Variants in CDH4 observed in about 807,000 individuals in gnomAD.
The protein encoded by CDH4 is cadherin 4.
Under a neutral mutation model 86.0 loss-of-function variants are expected in CDH4, and 33 were observed. That is an observed-to-expected ratio of 0.38 (90% confidence interval 0.29 to 0.51). The LOEUF (loss-of-function observed/expected upper bound fraction) is 0.51, where lower values mean the gene tolerates loss of function less well. Among genes scored for constraint, CDH4 ranks in the 20% least tolerant of loss-of-function variants. The pLI is 0.86. For missense variants in CDH4, 1,114 were observed against 1,307.4 expected, an observed-to-expected ratio of 0.85 and a Z score of 2.28; for synonymous variants, 555 against 549.4, an observed-to-expected ratio of 1.01 and a Z score of -0.14.
At chr20:61,792,083 G>C (rs1260353282) in intron 4 of CDH4, among the ~76,000 whole-genome samples, 1 of 152,124 alleles carries the variant, frequency 6.6e-6, no homozygotes, top group Non-Finnish European at 1.5e-5. Context: ...CAGAGCCCCA[G>C]GGAGGAGAGA....
intron 4 of CDH4, among the ~76,000 whole-genome samples, chr20:61,826,962 AGTGTGTGT>A (rs11470719): frequency 0.035 from 5,138 of 145,904 alleles, 213 homozygotes; most frequent in East Asian, 0.14. Flanking sequence ...AGAAGGGAAA[AGTGTGTGT>A]GTGTGTGTGT....
intron 2 of CDH4, among the ~76,000 whole-genome samples, chr20:61,553,293 G>T (rs1044707342): frequency 1.3e-5 from 2 of 152,192 alleles, no homozygotes; most frequent in Non-Finnish European, 1.5e-5. Flanking sequence ...AGGGGAAAAT[G>T]GACAGAGACA....
chr20:61,710,925 C>CCATGAG (rs2087884763), intron 2 of CDH4, among the ~76,000 whole-genome samples: 1 of 152,176 alleles, frequency 6.6e-6, no homozygotes, highest in South Asian at 2.1e-4. Flanking sequence ...TAACAAATCG[C>CCATGAG]CATGAGCTCA....
intron 2 of CDH4, among the ~76,000 whole-genome samples, chr20:61,397,759 G>A (rs1023560720): frequency 6.6e-6 from 1 of 152,200 alleles, no homozygotes; most frequent in Non-Finnish European, 1.5e-5. Context: ...GGTGCAAGGT[G>A]GACATACATG....
chr20:61,290,978 G>A (rs1309759222), intron 2 of CDH4, among the ~76,000 whole-genome samples: 1 of 152,128 alleles, frequency 6.6e-6, no homozygotes, highest in Non-Finnish European at 1.5e-5. Context: ...GGCTCATTCT[G>A]GGGTTTGGTT....
chr20:61,574,593 T>C (rs1037154045), intron 2 of CDH4, among the ~76,000 whole-genome samples: 2 of 152,102 alleles, frequency 1.3e-5, no homozygotes, highest in Non-Finnish European at 2.9e-5. Context: ...AGTGTAAGTA[T>C]AAAAATATTG....
At chr20:61,913,255 A>G (rs536250846) in intron 9 of CDH4, among the ~76,000 whole-genome samples, 140 of 152,316 alleles carry the variant, frequency 9.2e-4, no homozygotes, top group African/African-American at 3.3e-3. Context: ...AAGGGCCGGT[A>G]CCAAGGAAGA....
At chr20:61,712,257 C>T (rs983800093) in intron 2 of CDH4, among the ~76,000 whole-genome samples, 1 of 152,160 alleles carries the variant, frequency 6.6e-6, no homozygotes, top group African/African-American at 2.4e-5. Context: ...TTGGGGCCTC[C>T]AGGTGGATGG....
At chr20:61,522,270 G>A (rs1272909275) in intron 2 of CDH4, among the ~76,000 whole-genome samples, 1 of 152,118 alleles carries the variant, frequency 6.6e-6, no homozygotes, top group Non-Finnish European at 1.5e-5. Flanking sequence ...GGAGAGGCCG[G>A]ATCGGGAACC....
At chr20:61,581,198 G>C (rs2086425718) in intron 2 of CDH4, among the ~76,000 whole-genome samples, 1 of 152,194 alleles carries the variant, frequency 6.6e-6, no homozygotes, top group South Asian at 2.1e-4. Flanking sequence ...GTACTTGCCA[G>C]GGCCTGGCTC....
intron 2 of CDH4, among the ~76,000 whole-genome samples, chr20:61,583,583 C>G (rs372701752): frequency 6.6e-5 from 10 of 152,106 alleles, no homozygotes; most frequent in African/African-American, 2.4e-4. Context: ...AGGGGTTGTC[C>G]CTGGGAGCCC....
intron 4 of CDH4, among the ~76,000 whole-genome samples, chr20:61,781,555 T>C (rs1312822353): frequency 6.6e-6 from 1 of 152,162 alleles, no homozygotes; most frequent in African/African-American, 2.4e-5. Context: ...GGTCAGCGCA[T>C]TTGAAGATGG....
intron 7 of CDH4, among the ~76,000 whole-genome samples, chr20:61,875,870 C>G (rs1983999543): frequency 6.6e-6 from 1 of 152,210 alleles, no homozygotes; most frequent in African/African-American, 2.4e-5. Flanking sequence ...CGTCCCCCAT[C>G]TCCTCTGTAG....
chr20:61,866,364 G>A (rs1423574740), intron 6 of CDH4, among the ~76,000 whole-genome samples: 1 of 152,160 alleles, frequency 6.6e-6, no homozygotes, highest in Non-Finnish European at 1.5e-5. Context: ...AATTTGCTGA[G>A]TGGGCACATT....
intron 4 of CDH4, among the ~76,000 whole-genome samples, chr20:61,804,101 C>T (rs1405926820): frequency 6.6e-6 from 1 of 152,252 alleles, no homozygotes; most frequent in Non-Finnish European, 1.5e-5. Context: ...CGACAGAAAA[C>T]GTGTCAAGCT....
chr20:61,823,442 A>C (rs1981159907), intron 4 of CDH4, among the ~76,000 whole-genome samples: 1 of 151,920 alleles, frequency 6.6e-6, no homozygotes, highest in Non-Finnish European at 1.5e-5. Flanking sequence ...GTAGAGGAAG[A>C]GAAAGCTGCA....
At chr20:61,649,074 C>T (rs2145812820) in intron 2 of CDH4, among the ~76,000 whole-genome samples, 1 of 152,346 alleles carries the variant, frequency 6.6e-6, no homozygotes, top group East Asian at 1.9e-4. Flanking sequence ...ATGGTTTTAG[C>T]TCTGCCTTCA....
At chr20:61,678,035 G>A (rs1245813077) in intron 2 of CDH4, among the ~76,000 whole-genome samples, 2 of 152,068 alleles carry the variant, frequency 1.3e-5, no homozygotes, top group Admixed American at 1.3e-4. Context: ...TAAATAGGTA[G>A]ATAGATGGAT....
intron 2 of CDH4, among the ~76,000 whole-genome samples, chr20:61,314,452 CT>C (rs2084465517): frequency 6.6e-6 from 1 of 152,178 alleles, no homozygotes. Context: ...GATTTCCTTT[CT>C]TATGGTGGAT....
Sources: gnomAD v4.1 joint callset for allele counts (sites outside exome capture counted in the v4.1 genomes callset) on GRCh38, gnomAD v4.1.1 for gene constraint, MANE v1.5 for transcripts, NCBI Gene and HGNC (gene_info 2026-07-23, HGNC 2026-07-21) for gene names.